Variants in HHAT observed in about 807,000 individuals in gnomAD.
HHAT encodes protein-cysteine N-palmitoyltransferase HHAT.
In HHAT, 47 loss-of-function variants were observed where a neutral mutation model predicts 70.8. The ratio of observed to expected loss-of-function variants is 0.66; its 90% CI spans 0.53 to 0.85. The LOEUF (loss-of-function observed/expected upper bound fraction) is 0.85, where lower values mean the gene tolerates loss of function less well. Ranked by LOEUF, HHAT falls within the 40% of genes least tolerant of loss-of-function variation. The pLI, the probability that HHAT is intolerant of heterozygous loss-of-function variation, is 0.00. For synonymous variants in HHAT, 228 were observed against 247.6 expected (o/e 0.92, Z 0.74); for missense variants, 609 against 604.8 (o/e 1.01, Z -0.07).
In HHAT at chr1:210,394,213, C is replaced by G. The variant is rs555374811; in HGVS notation, c.274-6255C>G. ...AGAGGTGACAGGTTATTTTTATTTT[C>G]AAAAGCATGATCTATCTTTTTTTTT... On this transcript the variant is annotated intron_variant, in intron 4 of 11. Coordinates refer to ENST00000261458, the MANE Select transcript of HHAT (RefSeq NM_018194.6). 1.4e-4 allele frequency among the ~76,000 whole-genome samples: 17 copies of G among 119,432 alleles called. No individual in the cohort carries two copies. The South Asian group carries it at 1.8e-3, about 13-fold the overall frequency. 78.4% of individuals were successfully genotyped at this position (119,432 alleles called of 152,430 possible). A position where few individuals can be genotyped will look rare whatever the true frequency, so the allele number is the denominator to read the frequency against.
chr1:210,412,541 A>G (rs796734934), intron 6 of HHAT, among the ~76,000 whole-genome samples: 3 of 152,356 alleles, frequency 2.0e-5, no homozygotes, highest in Admixed American at 6.5e-5. Context: ...TCCAAAAGGT[A>G]GAAATTGGAA....
At chr1:210,546,617 G>A (rs2095485807) in intron 9 of HHAT, among the ~76,000 whole-genome samples, 1 of 152,184 alleles carries the variant, frequency 6.6e-6, no homozygotes. Flanking sequence ...ACCTCCACAT[G>A]GCTTTAAGCA....
At chr1:210,664,052 T>A (rs1279105130) in intron 11 of HHAT, among the ~76,000 whole-genome samples, 1 of 152,228 alleles carries the variant, frequency 6.6e-6, no homozygotes, top group East Asian at 1.9e-4. Context: ...AGCAAAAGCC[T>A]GTTCTTCAAA....
At chr1:210,364,975 ATCT>A (rs1428172936) in intron 3 of HHAT, among the ~76,000 whole-genome samples, 1 of 152,000 alleles carries the variant, frequency 6.6e-6, no homozygotes, top group African/African-American at 2.4e-5. Context: ...AGCACCTCTC[ATCT>A]TCTCATCTCT....
At chr1:210,366,476 C>T (rs2088979512) in intron 3 of HHAT, among the ~76,000 whole-genome samples, 1 of 152,106 alleles carries the variant, frequency 6.6e-6, no homozygotes, top group Non-Finnish European at 1.5e-5. Context: ...ACAAAAATTA[C>T]AGCCAGGTGT....
intron 9 of HHAT, among the ~76,000 whole-genome samples, chr1:210,525,075 C>T (rs533400126): frequency 1.0e-3 from 157 of 152,098 alleles, no homozygotes; most frequent in African/African-American, 3.6e-3. Context: ...ATCTTGTCTT[C>T]TGGCCACTCA....
At chr1:210,564,654 TG>T (rs534076490) in intron 9 of HHAT, among the ~76,000 whole-genome samples, 2 of 152,192 alleles carry the variant, frequency 1.3e-5, no homozygotes, top group Admixed American at 1.3e-4. Context: ...AGTACAGTAG[TG>T]GTAAGACATA....
chr1:210,537,021 A>G (rs2095379673), intron 9 of HHAT, among the ~76,000 whole-genome samples: 1 of 152,032 alleles, frequency 6.6e-6, no homozygotes, highest in Non-Finnish European at 1.5e-5. Context: ...TGTACCTAAA[A>G]GAAGGTGTAA....
intron 9 of HHAT, among the ~76,000 whole-genome samples, chr1:210,563,686 T>A (rs2095644147): frequency 6.6e-6 from 1 of 152,172 alleles, no homozygotes; most frequent in Non-Finnish European, 1.5e-5. Context: ...TTGGTTTTGA[T>A]ACTTCTCTGA....
intron 7 of HHAT, among the ~76,000 whole-genome samples, chr1:210,441,280 T>G (rs1485646601): frequency 1.3e-5 from 2 of 152,200 alleles, no homozygotes; most frequent in Non-Finnish European, 2.9e-5. Context: ...TTGAATGGCT[T>G]GAGAATCTGA....
At chr1:210,575,243 C>A (rs995858847) in intron 9 of HHAT, among the ~76,000 whole-genome samples, 1 of 152,098 alleles carries the variant, frequency 6.6e-6, no homozygotes, top group Non-Finnish European at 1.5e-5. Flanking sequence ...CCCCCTACCC[C>A]GCCCCCACCT....
chr1:210,617,982 A>G (rs370931292), intron 10 of HHAT, among the ~76,000 whole-genome samples: 2 of 152,210 alleles, frequency 1.3e-5, no homozygotes, highest in African/African-American at 4.8e-5. Context: ...GAGATGGGTG[A>G]TAGCTAATCA....
At chr1:210,410,732 G>T (rs1004175748) in intron 6 of HHAT, among the ~76,000 whole-genome samples, 1 of 151,404 alleles carries the variant, frequency 6.6e-6, no homozygotes, top group Admixed American at 6.6e-5. Context: ...GACCCTGTTG[G>T]CCAGGCTAGT....
intron 8 of HHAT, among the ~76,000 whole-genome samples, chr1:210,507,863 A>G (rs1558051665): frequency 6.6e-6 from 1 of 152,054 alleles, no homozygotes; most frequent in African/African-American, 2.4e-5. Flanking sequence ...GAGGTGATGG[A>G]TATATTAATT....
At chr1:210,494,871 C>T (rs1041025635) in intron 8 of HHAT, among the ~76,000 whole-genome samples, 1 of 151,920 alleles carries the variant, frequency 6.6e-6, no homozygotes, top group Non-Finnish European at 1.5e-5. Flanking sequence ...TTTTTGACAT[C>T]CGAGTAGAGT....
chr1:210,539,197 A>G (rs1461751990), intron 9 of HHAT, among the ~76,000 whole-genome samples: 1 of 152,250 alleles, frequency 6.6e-6, no homozygotes, highest in East Asian at 1.9e-4. Flanking sequence ...TTACTTAGGA[A>G]GAGAAAAAAG....
chr1:210,376,107 C>T (rs149594874), intron 3 of HHAT, among the ~76,000 whole-genome samples: 1,606 of 150,444 alleles, frequency 0.011, 17 homozygotes, highest in African/African-American at 0.032. Flanking sequence ...TCAAGTGATC[C>T]ACCTGCCTCG....
intron 9 of HHAT, among the ~76,000 whole-genome samples, chr1:210,542,767 C>G (rs1166362961): frequency 6.6e-6 from 1 of 151,798 alleles, no homozygotes; most frequent in Non-Finnish European, 1.5e-5. Flanking sequence ...CCACTGCACT[C>G]CAGTCTGGTT....
chr1:210,449,994 A>G (rs1572525329), intron 7 of HHAT, among the ~76,000 whole-genome samples: 1 of 152,146 alleles, frequency 6.6e-6, no homozygotes, highest in South Asian at 2.1e-4. Context: ...CGTATTTGGG[A>G]TTCAACAGTG....
Sources: gnomAD v4.1 joint callset for allele counts (sites outside exome capture counted in the v4.1 genomes callset) on GRCh38, gnomAD v4.1.1 for gene constraint, MANE v1.5 for transcripts, NCBI Gene and HGNC (gene_info 2026-07-23, HGNC 2026-07-21) for gene names.